MEI4: variants seen among roughly 807,000 people sequenced by gnomAD.
MEI4 encodes meiotic double-stranded break formation protein 4, also known as meiosis-specific protein MEI4.
A neutral mutation model predicts 31.4 loss-of-function variants in MEI4; 27 were observed. That is an observed-to-expected ratio of 0.86 (90% CI 0.63 to 1.19). MEI4 has a LOEUF of 1.19. Ranked by LOEUF, MEI4 falls within the 50% of genes most tolerant of loss-of-function variation. The pLI, the probability that MEI4 is intolerant of heterozygous loss-of-function variation, is 0.00. For missense variants in MEI4, 329 were observed against 398.9 expected (o/e 0.82, Z 1.49); for synonymous variants, 122 against 145.4 (o/e 0.84, Z 1.16).
intron 2 of MEI4, among the ~76,000 whole-genome samples, chr6:77,732,639 C>A (rs1412218831): frequency 6.6e-6 from 1 of 151,964 alleles, no homozygotes; most frequent in Admixed American, 6.6e-5. Flanking sequence ...TGCCTAATTG[C>A]CCTGGCCAAG....
intron 1 of MEI4, among the ~76,000 whole-genome samples, chr6:77,663,701 G>T (rs1266604798): frequency 6.6e-6 from 1 of 152,108 alleles, no homozygotes; most frequent in Admixed American, 6.5e-5. Context: ...ATGTGGAGTG[G>T]GTAGCCTCCG....
intron 2 of MEI4, among the ~76,000 whole-genome samples, chr6:77,731,746 G>A (rs1028087294): frequency 6.6e-6 from 1 of 151,582 alleles, no homozygotes; most frequent in African/African-American, 2.4e-5. Context: ...TTCTTCTAGG[G>A]TTTTTATGGT....
chr6:77,862,297 C>T (rs1372772541), intron 4 of MEI4, among the ~76,000 whole-genome samples: 3 of 152,150 alleles, frequency 2.0e-5, no homozygotes, highest in Admixed American at 6.5e-5. Flanking sequence ...CTGGGAAGTG[C>T]AAGGGGTCAG....
At chr6:77,873,697 G>A (rs1771257285) in intron 4 of MEI4, among the ~76,000 whole-genome samples, 2 of 152,128 alleles carry the variant, frequency 1.3e-5, no homozygotes, top group Admixed American at 6.6e-5. Flanking sequence ...TGTCCTGAAT[G>A]GTAATGCCTA....
chr6:77,867,024 A>G (rs896323558), intron 4 of MEI4, among the ~76,000 whole-genome samples: 24 of 152,224 alleles, frequency 1.6e-4, no homozygotes, highest in Non-Finnish European at 2.1e-4. Flanking sequence ...AGCCATATGT[A>G]GAAAGCTGAA....
intron 4 of MEI4, among the ~76,000 whole-genome samples, chr6:77,890,825 A>G (rs1771748973): frequency 6.6e-6 from 1 of 152,106 alleles, no homozygotes; most frequent in Non-Finnish European, 1.5e-5. Flanking sequence ...TTCTCACAAG[A>G]TCTGATGGCT....
chr6:77,859,400 T>A (rs1770817006), intron 4 of MEI4, among the ~76,000 whole-genome samples: 1 of 152,166 alleles, frequency 6.6e-6, no homozygotes, highest in South Asian at 2.1e-4. Flanking sequence ...GATTGCTGGG[T>A]CAAATGGTAT....
At chr6:77,750,183 CTA>C (rs150382701) in intron 2 of MEI4, among the ~76,000 whole-genome samples, 1 of 152,246 alleles carries the variant, frequency 6.6e-6, no homozygotes, top group East Asian at 1.9e-4. Context: ...ATTGTAAAGA[CTA>C]TCAATGCTGT....
In MEI4 at chr6:77,913,675, C is replaced by T. The variant is rs560331221; in HGVS notation, c.901-9414C>T. On this transcript the variant is annotated intron_variant, in intron 4 of 4. Transcript: ENST00000684080. ...GCTTGTATTTATTTGGATATTCTAC[C>T]TTTGTTTCCTTGGTTAGTCTAGATA... Among the ~76,000 whole-genome samples, 113 of 148,774 alleles carry T rather than the reference C, an allele frequency of 7.6e-4. 1 individual carries two copies. Among genetic ancestry groups the T allele is most frequent in the Non-Finnish European group, 1.3e-3 (85 of 67,370 alleles).
chr6:77,755,294 A>T (rs1209549010), intron 2 of MEI4, among the ~76,000 whole-genome samples: 2 of 152,210 alleles, frequency 1.3e-5, no homozygotes, highest in Non-Finnish European at 2.9e-5. Context: ...TTCAAGGTGG[A>T]CCTTATAAAC....
intron 2 of MEI4, among the ~76,000 whole-genome samples, chr6:77,711,964 T>C (rs570786426): frequency 2.6e-5 from 4 of 152,190 alleles, no homozygotes; most frequent in African/African-American, 9.7e-5. Context: ...GTAGTAATAC[T>C]CAGAAGCCCA....
At chr6:77,804,561 A>G (rs1769378721) in intron 3 of MEI4, among the ~76,000 whole-genome samples, 1 of 152,164 alleles carries the variant, frequency 6.6e-6, no homozygotes, top group Non-Finnish European at 1.5e-5. Flanking sequence ...TGGGATCTGT[A>G]GACTGGAGCT....
At chr6:77,919,998 C>G (rs943282561) in intron 4 of MEI4, among the ~76,000 whole-genome samples, 2 of 147,074 alleles carry the variant, frequency 1.4e-5, no homozygotes, top group African/African-American at 5.0e-5. Context: ...GAAATTGTGG[C>G]AATAATCAAT....
intron 4 of MEI4, among the ~76,000 whole-genome samples, chr6:77,839,503 T>C (rs911890946): frequency 6.6e-6 from 1 of 152,162 alleles, no homozygotes; most frequent in African/African-American, 2.4e-5. Flanking sequence ...CTGACCTGTG[T>C]GAGACAGACT....
At chr6:77,726,342 C>G (rs894137235) in intron 2 of MEI4, among the ~76,000 whole-genome samples, 2 of 151,636 alleles carry the variant, frequency 1.3e-5, no homozygotes, top group African/African-American at 4.9e-5. Context: ...CAGTAACAAT[C>G]TGATCTCTCT....
chr6:77,789,048 A>C (rs1352375516), intron 3 of MEI4, among the ~76,000 whole-genome samples: 1 of 152,212 alleles, frequency 6.6e-6, no homozygotes, highest in Non-Finnish European at 1.5e-5. Context: ...ACTGGTACCA[A>C]AGCAGAGATG....
intron 2 of MEI4, among the ~76,000 whole-genome samples, chr6:77,741,770 T>A (rs1242572571): frequency 1.8e-5 from 1 of 56,238 alleles, no homozygotes; most frequent in African/African-American, 7.3e-5. Context: ...CCCTCCCCCC[T>A]CCCCCCACCC....
chr6:77,843,806 T>A, intron 4 of MEI4, among the ~76,000 whole-genome samples: 2 of 152,180 alleles, frequency 1.3e-5, no homozygotes, highest in Admixed American at 1.3e-4. Context: ...TTAAAAATAA[T>A]CATTAATTTA....
intron 1 of MEI4, among the ~76,000 whole-genome samples, chr6:77,658,205 G>T (rs7772836): frequency 0.043 from 6,579 of 152,154 alleles, 482 homozygotes; most frequent in African/African-American, 0.15. Flanking sequence ...GCGGGCAGGG[G>T]GTGGGTCTCA....
Sources: allele counts gnomAD v4.1 joint callset (sites outside exome capture counted in the v4.1 genomes callset), GRCh38; gene constraint gnomAD v4.1.1; transcripts MANE v1.5; gene names NCBI Gene and HGNC (gene_info 2026-07-23, HGNC 2026-07-21).